TUSC3: variants seen among roughly 807,000 people sequenced by gnomAD.
The protein encoded by TUSC3 is dolichyl-diphosphooligosaccharide--protein glycosyltransferase subunit TUSC3.
In TUSC3, 45 loss-of-function variants were observed where a neutral mutation model predicts 44.8. The observed-to-expected ratio is 1.00, with a 90% CI of 0.79 to 1.29. The LOEUF is 1.29. Among genes scored for constraint, TUSC3 ranks in the 50% most tolerant of loss-of-function variants. The probability of loss-of-function intolerance (pLI) is 0.00; values close to 1 mark genes in which losing one functional copy is unlikely to be tolerated. For missense variants in TUSC3, 519 were observed against 437.9 expected (o/e 1.19, Z -1.65); for synonymous variants, 212 against 152.9 (o/e 1.39, Z -2.85).
At chr8:15,476,080 C>A (rs76528348) in intron 1 of TUSC3, among the ~76,000 whole-genome samples, 8,999 of 152,048 alleles carry the variant, frequency 0.059, 286 homozygotes, top group South Asian at 0.11. Flanking sequence ...TTCTGAATAA[C>A]GTGAACTTTT....
intron 2 of TUSC3, among the ~76,000 whole-genome samples, chr8:15,633,555 T>C (rs1295537193): frequency 6.6e-6 from 1 of 152,188 alleles, no homozygotes; most frequent in Non-Finnish European, 1.5e-5. Context: ...TTTAATCCAA[T>C]ATGACCGATG....
chr8:15,747,202 T>A lies in TUSC3; in HGVS notation c.938-1173T>A, dbSNP rs529034063. Among the ~76,000 whole-genome samples, 5 of 152,212 alleles carry A rather than the reference T, an allele frequency of 3.3e-5. No homozygotes were observed. The South Asian group carries it at 8.3e-4, about 25-fold the overall frequency. ...TTGCAGTTAAACTTGGTTTGGTTTATATATTGGAAAAAATTTTAAAAATCA... is the reference window on the plus strand; with the variant it reads ...TTGCAGTTAAACTTGGTTTGGTTTAAATATTGGAAAAAATTTTAAAAATCA... On this transcript the variant is annotated intron_variant, in intron 8 of 10. Coordinates refer to ENST00000503731, the MANE Select transcript of TUSC3 (RefSeq NM_006765.4).
intron 10 of TUSC3, 53 bp downstream of exon 10, chr8:15,757,908 G>C (rs746488662): frequency 6.9e-7 from 1 of 1,452,606 alleles, no homozygotes; most frequent in South Asian, 1.1e-5. Context: ...TTCAAATATA[G>C]AGAGTATAAC....
intron 6 of TUSC3, among the ~76,000 whole-genome samples, chr8:15,729,313 T>C (rs1810620795): frequency 6.6e-6 from 1 of 152,200 alleles, no homozygotes; most frequent in African/African-American, 2.4e-5. Context: ...TGTTACTATG[T>C]GGTGGAAAGG....
rs180849541 is a variant in TUSC3 at position 15,436,975 on chromosome 8, A to G, written n.91+19670A>G. The stretch of plus-strand genomic sequence containing the variant: ...ATTAGAATTTATAGCGATTCTCACA[A>G]TAGTACACAACTGGCTATTTAAAAT... On this transcript the variant is annotated intron_variant and non_coding_transcript_variant, in intron 1 of 5. Coordinates refer to the TUSC3 transcript ENST00000503191. 5.9e-5 allele frequency among the ~76,000 whole-genome samples: 9 copies of G among 152,314 alleles called. No individual in the cohort carries two copies. In the East Asian group the frequency reaches 9.7e-4, roughly 16 times the overall value.
At chr8:15,832,939 A>T in the TUSC3 span, among the ~76,000 whole-genome samples, 1 of 152,188 alleles carries the variant, frequency 6.6e-6, no homozygotes, top group Non-Finnish European at 1.5e-5. Flanking sequence ...GATGTGATAG[A>T]TATCTACAAA....
At chr8:15,672,256 G>A (rs190291624) in intron 5 of TUSC3, among the ~76,000 whole-genome samples, 3 of 151,960 alleles carry the variant, frequency 2.0e-5, no homozygotes, top group Non-Finnish European at 4.4e-5. Flanking sequence ...TGTATTGTGT[G>A]CAATTTTTAA....
chr8:15,710,229 A>C (rs1246891561), intron 6 of TUSC3, among the ~76,000 whole-genome samples: 1 of 151,736 alleles, frequency 6.6e-6, no homozygotes, highest in African/African-American at 2.4e-5. Flanking sequence ...CTTCCTCTTA[A>C]TTTAATAATG....
intron 1 of TUSC3, among the ~76,000 whole-genome samples, chr8:15,467,560 C>G (rs540965415): frequency 9.2e-5 from 14 of 152,212 alleles, no homozygotes; most frequent in Non-Finnish European, 2.1e-4. Flanking sequence ...TGGGAGATGA[C>G]AATAATATTA....
intron 2 of TUSC3, 98 bp from the exon 3 acceptor site, chr8:15,650,599 A>G: frequency 2.1e-6 from 2 of 949,612 alleles, no homozygotes; most frequent in Non-Finnish European, 1.7e-6. Context: ...CTGTACAAAA[A>G]CTGGCCAGTG....
chr8:15,566,415 A>C (rs1265554217), intron 1 of TUSC3, among the ~76,000 whole-genome samples: 1 of 152,116 alleles, frequency 6.6e-6, no homozygotes, highest in African/African-American at 2.4e-5. Flanking sequence ...TATTTTGAAC[A>C]TGTGCTATTG....
intron 1 of TUSC3, among the ~76,000 whole-genome samples, chr8:15,483,083 C>T (rs1800683788): frequency 2.6e-5 from 4 of 152,062 alleles, no homozygotes; most frequent in African/African-American, 9.7e-5. Context: ...TATTCATACA[C>T]ATTGAACAGG....
At chr8:15,521,658 G>A (rs557520914) in intron 2 of TUSC3, among the ~76,000 whole-genome samples, 122 of 152,242 alleles carry the variant, frequency 8.0e-4, no homozygotes, top group Middle Eastern at 6.8e-3. Context: ...GAAAGTTTAC[G>A]AATTTATGTT....
upstream of TUSC3, among the ~76,000 whole-genome samples, chr8:15,536,543 G>A (rs1246932510): frequency 1.3e-5 from 2 of 151,562 alleles, no homozygotes; most frequent in African/African-American, 2.4e-5. Context: ...TTAGCCGGGC[G>A]TGGTGGCGGG....
intron 6 of TUSC3, among the ~76,000 whole-genome samples, chr8:15,678,112 G>A (rs1320012386): frequency 1.3e-5 from 2 of 152,172 alleles, no homozygotes; most frequent in Admixed American, 1.3e-4. Context: ...ATCTCTGGGA[G>A]CCTGTGTAGG....
At chr8:15,743,667 A>C (rs944269997) in intron 8 of TUSC3, 55 bp downstream of exon 8, 3 of 1,567,782 alleles carry the variant, frequency 1.9e-6, no homozygotes, top group African/African-American at 1.4e-5. Context: ...AGATTCATTT[A>C]AGTCAAATGG....
chr8:15,830,956 C>T, the TUSC3 span, among the ~76,000 whole-genome samples: 2 of 152,040 alleles, frequency 1.3e-5, no homozygotes, highest in South Asian at 2.1e-4. Flanking sequence ...CACCTTGCCA[C>T]GCTGTCACTG....
At chr8:15,636,941 GT>G (rs1477567397) in intron 2 of TUSC3, among the ~76,000 whole-genome samples, 1 of 152,106 alleles carries the variant, frequency 6.6e-6, no homozygotes, top group Non-Finnish European at 1.5e-5. Context: ...TGCCGATCCA[GT>G]TTTCTTACTT....
chr8:15,833,520 C>T, the TUSC3 span, among the ~76,000 whole-genome samples: 4,233 of 152,140 alleles, frequency 0.028, 206 homozygotes, highest in African/African-American at 0.096. Flanking sequence ...TACTATGCAG[C>T]CATAAAAAAT....
Sources: allele counts gnomAD v4.1 joint callset (sites outside exome capture counted in the v4.1 genomes callset), GRCh38; gene constraint gnomAD v4.1.1; transcripts MANE v1.5; gene names NCBI Gene and HGNC (gene_info 2026-07-23, HGNC 2026-07-21).